Variants in TRIP4 observed in about 807,000 individuals in gnomAD.
TRIP4 encodes the protein thyroid hormone receptor interactor 4, also known as activating signal cointegrator 1.
In TRIP4, 54 loss-of-function variants were observed where a neutral mutation model predicts 81.8. That is an observed-to-expected ratio of 0.66 (90% CI 0.53 to 0.83). TRIP4 has a LOEUF of 0.83. TRIP4 is among the 40% of genes least tolerant of loss of function. The probability of loss-of-function intolerance (pLI) is 0.00; values close to 1 mark genes in which losing one functional copy is unlikely to be tolerated. For synonymous variants in TRIP4, 270 were observed against 242.8 expected, an observed-to-expected ratio of 1.11 and a Z score of -1.04; for missense variants, 662 against 683.6, an observed-to-expected ratio of 0.97 and a Z score of 0.35.
chr15:64,400,815 A>G lies in TRIP4; in HGVS notation c.691A>G (p.Met231Val), dbSNP rs1255670797. The G allele has an allele frequency of 9.9e-6, 16 of 1,611,576 alleles. No individual in the cohort carries two copies. Among genetic ancestry groups the G allele is most frequent in the African/African-American group, 1.3e-5 (1 of 74,898 alleles). ...NKSQKLLKKL[M>V]SGVENSGKVD... ...GAGCCAGAAACTGCTAAAGAAACTC[A>G]TGTCAGGTAGACAGCAGTCTTGTAA... Residue 231 changes from methionine to valine, a missense_variant, in exon 5 of 13, where the codon ATG (methionine) becomes GTG (valine). Coordinates refer to ENST00000261884, the MANE Select transcript of TRIP4 (RefSeq NM_016213.5).
At chr15:64,431,847 A>ATAT in intron 11 of TRIP4, among the ~76,000 whole-genome samples, 10 of 119,554 alleles carry the variant, frequency 8.4e-5, no homozygotes, top group African/African-American at 2.6e-4. Context: ...ATATATATAT[A>ATAT]TTTTTTTTAT....
chr15:64,454,442 C>T (rs1304718455), intron 12 of TRIP4, among the ~76,000 whole-genome samples: 1 of 152,130 alleles, frequency 6.6e-6, no homozygotes, highest in Non-Finnish European at 1.5e-5. Flanking sequence ...CTTAGAGAGT[C>T]ATATAGCCTA....
chr15:64,431,149 C>T (rs1456088761), intron 11 of TRIP4, among the ~76,000 whole-genome samples: 1 of 152,106 alleles, frequency 6.6e-6, no homozygotes, highest in Non-Finnish European at 1.5e-5. Flanking sequence ...AAACCAGGCA[C>T]TGGAATTCAA....
At chr15:64,390,642 G>A (rs1388666253) in intron 1 of TRIP4, among the ~76,000 whole-genome samples, 4 of 152,022 alleles carry the variant, frequency 2.6e-5, no homozygotes, top group East Asian at 1.9e-4. Flanking sequence ...TGTAATCCTA[G>A]CACTTTAGGA....
intron 1 of TRIP4, among the ~76,000 whole-genome samples, chr15:64,389,552 G>A (rs1214928908): frequency 1.3e-5 from 2 of 152,052 alleles, no homozygotes; most frequent in African/African-American, 4.8e-5. Flanking sequence ...AAATCTTATG[G>A]TTTGGCTTTA....
intron 10 of TRIP4, 41 bp from the exon 11 acceptor site, chr15:64,425,499 A>C (rs983597663): frequency 1.3e-6 from 2 of 1,539,270 alleles, no homozygotes; most frequent in Non-Finnish European, 1.8e-6. Flanking sequence ...AAGATCACAA[A>C]GAAGGAAATT....
chr15:64,442,051 G>T, intron 11 of TRIP4, among the ~76,000 whole-genome samples: 1 of 152,244 alleles, frequency 6.6e-6, no homozygotes. Flanking sequence ...GTGAAGGAGA[G>T]AAGTAAGAGA....
intron 4 of TRIP4, among the ~76,000 whole-genome samples, chr15:64,398,325 T>C (rs969064871): frequency 7.1e-6 from 1 of 140,544 alleles, no homozygotes; most frequent in African/African-American, 2.7e-5. Flanking sequence ...CCCAACACTT[T>C]GGGAAGCCAA....
At chr15:64,434,402 GAAAAAA>G (rs35606754) in intron 11 of TRIP4, among the ~76,000 whole-genome samples, 2 of 138,058 alleles carry the variant, frequency 1.4e-5, no homozygotes, top group Non-Finnish European at 3.1e-5. Context: ...TCCGTCTCAA[GAAAAAA>G]AAAAAAAAAA....
chr15:64,413,591 T>G (rs1007046978), intron 7 of TRIP4, among the ~76,000 whole-genome samples: 1 of 152,006 alleles, frequency 6.6e-6, no homozygotes, highest in African/African-American at 2.4e-5. Context: ...TATTTATTTT[T>G]ATTTTTTTTT....
chr15:64,395,552 GC>G, intron 3 of TRIP4, 21 bp downstream of exon 3: 2 of 1,592,300 alleles, frequency 1.3e-6, no homozygotes, highest in Non-Finnish European at 1.7e-6. Flanking sequence ...ATAGATTGAA[GC>G]TTTTTCTGAC....
chr15:64,417,879 A>T (rs932188803), intron 8 of TRIP4, among the ~76,000 whole-genome samples: 3 of 152,224 alleles, frequency 2.0e-5, no homozygotes, highest in African/African-American at 7.2e-5. Flanking sequence ...ATTCTATTGA[A>T]AAATTATCCA....
chr15:64,414,151 A>G lies in TRIP4; in HGVS notation c.1110A>G (p.Arg370=). 6.2e-7 allele frequency: 1 copy of G among 1,614,158 alleles called. No homozygotes were observed. The highest frequency in any genetic ancestry group is 1.1e-5 in the South Asian group (1 of 91,088). Residue 370 remains arginine (R), a synonymous_variant, in exon 8 of 13, where the codon AGA becomes AGG. Coordinates refer to ENST00000261884, the MANE Select transcript of TRIP4 (RefSeq NM_016213.5). The part of the protein sequence containing the change: ...TLNQPLTKLD[R]SSEEPLGVLV... ...ACCAGCCACTGACCAAATTGGATAG[A>G]TCTTCTGAAGAGCCTTTGGGAGTTC...
chr15:64,435,907 A>AAC (rs397776785), intron 11 of TRIP4, among the ~76,000 whole-genome samples: 6 of 148,614 alleles, frequency 4.0e-5, no homozygotes, highest in African/African-American at 1.5e-4. Context: ...AAAAAAAAAA[A>AAC]CCTGAAGAAA....
intron 1 of TRIP4, 118 bp from the exon 2 acceptor site, chr15:64,393,828 C>T (rs1738417473): frequency 1.0e-6 from 1 of 997,404 alleles, no homozygotes. Context: ...GTACTTGGCT[C>T]AAAGTAAACA....
chr15:64,421,772 G>A (rs989167262), intron 9 of TRIP4, among the ~76,000 whole-genome samples: 1 of 152,150 alleles, frequency 6.6e-6, no homozygotes, highest in Non-Finnish European at 1.5e-5. Flanking sequence ...TGCCGGGCAC[G>A]GTGGCTCACG....
intron 12 of TRIP4, among the ~76,000 whole-genome samples, chr15:64,447,426 A>G (rs1892658620): frequency 6.6e-6 from 1 of 152,220 alleles, no homozygotes; most frequent in Non-Finnish European, 1.5e-5. Context: ...GTTAAAACAC[A>G]GGTTCCTCAA....
At chr15:64,426,973 C>G (rs1596352939) in intron 11 of TRIP4, among the ~76,000 whole-genome samples, 1 of 151,896 alleles carries the variant, frequency 6.6e-6, no homozygotes, top group Non-Finnish European at 1.5e-5. Context: ...GCGCTCCAGC[C>G]TGGGCAACAG....
Position 64,387,980 on chromosome 15 carries a change from G to A in TRIP4, c.101+16G>A. The A allele has an allele frequency of 6.5e-7, 1 of 1,543,716 alleles. No individual in the cohort carries two copies. The highest frequency in any genetic ancestry group is 1.2e-5 in the South Asian group (1 of 83,284). On this transcript the variant is annotated intron_variant, in intron 1 of 12. Coordinates refer to ENST00000261884, the MANE Select transcript of TRIP4 (RefSeq NM_016213.5). ...AGATCATTCAGTGAGAACAGTTCGG[G>A]TCCAAGCGGGGAAGGAGCTCTGGGA...
Sources: allele counts gnomAD v4.1 joint callset (sites outside exome capture counted in the v4.1 genomes callset), GRCh38; gene constraint gnomAD v4.1.1; transcripts MANE v1.5; gene names NCBI Gene and HGNC (gene_info 2026-07-23, HGNC 2026-07-21).